The following TENM4 variants were observed in gnomAD, a reference collection of about 807,000 sequenced individuals.
The protein encoded by TENM4 is teneurin-4.
Under a neutral mutation model 243.3 loss-of-function variants are expected in TENM4, and 82 were observed. The ratio of observed to expected loss-of-function variants is 0.34; its 90% CI spans 0.28 to 0.40. The LOEUF is 0.40. Ranked by LOEUF, TENM4 falls within the 10% of genes least tolerant of loss-of-function variation. The pLI is 1.00. For synonymous variants in TENM4, 1,412 were observed against 1,456.3 expected (o/e 0.97, Z 0.69); for missense variants, 3,138 against 3,673.3 (o/e 0.85, Z 3.77).
At chr11:79,013,283 C>T (rs1858695644) in intron 6 of TENM4, among the ~76,000 whole-genome samples, 1 of 152,332 alleles carries the variant, frequency 6.6e-6, no homozygotes, top group Middle Eastern at 3.4e-3. Context: ...AACGTCTTCT[C>T]AGGCTCTTCC....
intron 4 of TENM4, among the ~76,000 whole-genome samples, chr11:79,098,581 C>A (rs763770930): frequency 6.6e-6 from 1 of 152,178 alleles, no homozygotes; most frequent in African/African-American, 2.4e-5. Flanking sequence ...TCCCATGACT[C>A]GAGTAACCGG....
chr11:78,807,128 T>C (rs113209897), intron 14 of TENM4, among the ~76,000 whole-genome samples: 1,807 of 152,356 alleles, frequency 0.012, 33 homozygotes, highest in African/African-American at 0.04. Flanking sequence ...TTCCAACTTT[T>C]GGCTATTGTG....
At chr11:78,823,974 T>C (rs577221698) in intron 12 of TENM4, among the ~76,000 whole-genome samples, 1 of 152,158 alleles carries the variant, frequency 6.6e-6, no homozygotes, top group Non-Finnish European at 1.5e-5. Flanking sequence ...AAGTGTTCTT[T>C]CCCATTTCGT....
chr11:79,080,559 C>A (rs1860641808), intron 4 of TENM4, among the ~76,000 whole-genome samples: 1 of 152,146 alleles, frequency 6.6e-6, no homozygotes, highest in Non-Finnish European at 1.5e-5. Flanking sequence ...CCACTGGAAG[C>A]CTCTTGGTGC....
At chr11:79,166,801 C>G (rs1250715915) in intron 3 of TENM4, among the ~76,000 whole-genome samples, 1 of 152,168 alleles carries the variant, frequency 6.6e-6, no homozygotes, top group Non-Finnish European at 1.5e-5. Flanking sequence ...GAAGCATAGG[C>G]ATTTGCCAGG....
Position 78,805,277 on chromosome 11 carries a change from T to TGCCCCCCCCACCCCC in TENM4, c.2179+14_2179+15insGGGGGTGGGGGGGGC. ...CCCCTCCCTCTACCCATGCTTCTTC[T>TGCCCCCCCCACCCCC]CCCCCTGCATTTACCGATAGAACAG... On this transcript the variant is annotated intron_variant, in intron 15 of 33. Transcript: ENST00000278550. 1 of 1,402,550 alleles carries TGCCCCCCCCACCCCC rather than the reference T, an allele frequency of 7.1e-7. No homozygotes were observed. The highest frequency in any genetic ancestry group is 1.5e-5 in the African/African-American group (1 of 68,156). The allele number at this position is 1,402,550 out of a possible 1,614,324, so 86.9% of individuals were successfully genotyped here.
Position 79,393,025 on chromosome 11 carries a change from CCA to C in TENM4, c.-321+47482_-321+47483del, listed in dbSNP as rs147887065. On this transcript the variant is annotated intron_variant, in intron 1 of 33. Coordinates refer to ENST00000278550, the MANE Select transcript of TENM4 (RefSeq NM_001098816.3). ...GCCCTAGTGTCATTTCCCAAACCCC[CCA>C]CAGTGCCTGATAACTCCCCTTTTCG... is the stretch of plus-strand genomic sequence containing the variant. Among the ~76,000 whole-genome samples the C allele has an allele frequency of 3.9e-4, 60 of 152,266 alleles. 2 individuals are homozygous for C. In the East Asian group the frequency reaches 8.7e-3, roughly 22 times the overall value.
Position 79,263,032 on chromosome 11 carries a change from G to A in TENM4, c.-265+34456C>T, listed in dbSNP as rs552762187. Among the ~76,000 whole-genome samples, 97 of 152,322 alleles carry A rather than the reference G, an allele frequency of 6.4e-4. 3 individuals carry two copies. The South Asian group carries it at 0.02, about 31-fold the overall frequency. On this transcript the variant is annotated intron_variant, in intron 2 of 33. Transcript: ENST00000278550. Reference sequence around the variant, plus strand: ...CCAGCACAACATTCTTTTCCAATGGGCTCAGTGGCGAGAGGAAGATGGAAA... The same window carrying A: ...CCAGCACAACATTCTTTTCCAATGGACTCAGTGGCGAGAGGAAGATGGAAA...
intron 2 of TENM4, among the ~76,000 whole-genome samples, chr11:79,291,007 C>A (rs1262185903): frequency 1.3e-5 from 2 of 152,110 alleles, no homozygotes; most frequent in Non-Finnish European, 2.9e-5. Flanking sequence ...AAGAGACATG[C>A]CAGGGGCTGG....
At chr11:78,875,645 T>C (rs1048796005) in intron 9 of TENM4, among the ~76,000 whole-genome samples, 3 of 152,204 alleles carry the variant, frequency 2.0e-5, no homozygotes, top group Non-Finnish European at 4.4e-5. Context: ...GTCCTGTCTC[T>C]TTCTCTCACT....
At chr11:79,138,718 CATT>C (rs1565219610) in intron 4 of TENM4, among the ~76,000 whole-genome samples, 1 of 104,902 alleles carries the variant, frequency 9.5e-6, no homozygotes, top group African/African-American at 4.0e-5. Flanking sequence ...ATAAAACATA[CATT>C]ATATTTATAT....
At chr11:79,109,409 C>T (rs924437134) in intron 4 of TENM4, among the ~76,000 whole-genome samples, 1 of 152,060 alleles carries the variant, frequency 6.6e-6, no homozygotes, top group Non-Finnish European at 1.5e-5. Flanking sequence ...TTGTGTGTGC[C>T]TTTGAAGCAG....
At chr11:79,093,988 C>CT (rs1007883678) in intron 4 of TENM4, among the ~76,000 whole-genome samples, 10 of 152,174 alleles carry the variant, frequency 6.6e-5, no homozygotes. Flanking sequence ...AATTGAGTTC[C>CT]TTAGTCATAC....
chr11:79,138,666 T>A (rs1272732655), intron 4 of TENM4, among the ~76,000 whole-genome samples: 3 of 97,542 alleles, frequency 3.1e-5, no homozygotes, highest in African/African-American at 1.3e-4. Context: ...TATATTATAT[T>A]TATATAAATA....
intron 4 of TENM4, among the ~76,000 whole-genome samples, chr11:79,108,810 G>C (rs1257463263): frequency 6.6e-6 from 1 of 152,142 alleles, no homozygotes; most frequent in Non-Finnish European, 1.5e-5. Context: ...GGGTGCCCCT[G>C]ACCTGGAAAC....
chr11:78,843,756 AG>A (rs1424623175), intron 12 of TENM4, among the ~76,000 whole-genome samples: 1 of 152,214 alleles, frequency 6.6e-6, no homozygotes, highest in Non-Finnish European at 1.5e-5. Flanking sequence ...TGAGTTAAGG[AG>A]TACTGGCAAA....
chr11:78,855,545 G>A (rs1858661273), intron 11 of TENM4, among the ~76,000 whole-genome samples: 2 of 152,180 alleles, frequency 1.3e-5, no homozygotes. Context: ...CAACAGCCCT[G>A]CCAAGTGGGT....
At chr11:79,342,090 C>T (rs1213462938) in intron 1 of TENM4, among the ~76,000 whole-genome samples, 1 of 152,158 alleles carries the variant, frequency 6.6e-6, no homozygotes, top group Non-Finnish European at 1.5e-5. Flanking sequence ...GGTCTTTCCC[C>T]ACAATCACAG....
intron 3 of TENM4, among the ~76,000 whole-genome samples, chr11:79,194,519 T>G (rs958014303): frequency 1.3e-4 from 19 of 151,996 alleles, no homozygotes; most frequent in African/African-American, 4.6e-4. Flanking sequence ...CCAGTGGAGA[T>G]GAGGAAATAT....
Sources: gnomAD v4.1 joint callset for allele counts (sites outside exome capture counted in the v4.1 genomes callset) on GRCh38, gnomAD v4.1.1 for gene constraint, MANE v1.5 for transcripts, NCBI Gene and HGNC (gene_info 2026-07-23, HGNC 2026-07-21) for gene names.